The following MEI4 variants were observed in gnomAD, a reference collection of about 807,000 sequenced individuals.
MEI4 encodes the protein meiotic double-stranded break formation protein 4.
Under a neutral mutation model 31.4 loss-of-function variants are expected in MEI4, and 27 were observed. That is an observed-to-expected ratio of 0.86 (90% CI 0.63 to 1.19). The LOEUF (loss-of-function observed/expected upper bound fraction) is 1.19, where lower values mean the gene tolerates loss of function less well. MEI4 is among the 50% of genes most tolerant of loss of function. The pLI, the probability that MEI4 is intolerant of heterozygous loss-of-function variation, is 0.00. For missense variants in MEI4, 329 were observed against 398.9 expected (o/e 0.82, Z 1.49); for synonymous variants, 122 against 145.4 (o/e 0.84, Z 1.16).
At chr6:77,851,710 C>G (rs1052752299) in intron 4 of MEI4, among the ~76,000 whole-genome samples, 1 of 151,730 alleles carries the variant, frequency 6.6e-6, no homozygotes, top group African/African-American at 2.4e-5. Flanking sequence ...TGCGGCACAC[C>G]AACATGGTAC....
At chr6:77,755,793 A>C (rs1767900091) in intron 2 of MEI4, among the ~76,000 whole-genome samples, 1 of 151,220 alleles carries the variant, frequency 6.6e-6, no homozygotes, top group Non-Finnish European at 1.5e-5. Flanking sequence ...AATAAAAAAC[A>C]TGAAACAATA....
At chr6:77,779,541 T>G (rs1270036933) in intron 3 of MEI4, among the ~76,000 whole-genome samples, 1 of 152,198 alleles carries the variant, frequency 6.6e-6, no homozygotes, top group Non-Finnish European at 1.5e-5. Context: ...AAATTACATG[T>G]GTATAAAAGT....
intron 2 of MEI4, among the ~76,000 whole-genome samples, chr6:77,698,587 A>G (rs994399597): frequency 2.0e-5 from 3 of 152,188 alleles, no homozygotes; most frequent in South Asian, 2.1e-4. Context: ...AGAATGTTGA[A>G]TATTGGCCCC....
At chr6:77,790,157 A>C (rs548164050) in intron 3 of MEI4, among the ~76,000 whole-genome samples, 1 of 151,148 alleles carries the variant, frequency 6.6e-6, no homozygotes, top group Admixed American at 6.6e-5. Flanking sequence ...TCACAAGTAC[A>C]AAAGCAAACA....
In MEI4 at chr6:77,703,293, A is replaced by AAC. The variant is rs369364346; in HGVS notation, c.232+12392_232+12393dup. On this transcript the variant is annotated intron_variant, in intron 2 of 4. Coordinates refer to ENST00000684080, the MANE Select transcript of MEI4 (RefSeq NM_001322247.2). ...ACAGTGGAAGTAGAATACAGAGAGCAACATCCTGAATCCAGGATCGAGACC... is the reference window on the plus strand; with the variant it reads ...ACAGTGGAAGTAGAATACAGAGAGCAACACATCCTGAATCCAGGATCGAGACC... Among the ~76,000 whole-genome samples, 249 of 152,338 alleles carry AAC rather than the reference A, an allele frequency of 1.6e-3. 2 individuals carry two copies. Among genetic ancestry groups the AAC allele is most frequent in the African/African-American group, 5.6e-3 (233 of 41,582 alleles).
At chr6:77,910,004 A>G (rs2127738399) in intron 4 of MEI4, among the ~76,000 whole-genome samples, 1 of 152,288 alleles carries the variant, frequency 6.6e-6, no homozygotes, top group South Asian at 2.1e-4. Context: ...GACAAAATTC[A>G]ACAACCTTCA....
chr6:77,767,720 C>G (rs115010611), intron 3 of MEI4, among the ~76,000 whole-genome samples: 1 of 148,430 alleles, frequency 6.7e-6, no homozygotes, highest in African/African-American at 2.5e-5. Flanking sequence ...CACACACACA[C>G]GGAAAAATCT....
intron 4 of MEI4, among the ~76,000 whole-genome samples, chr6:77,875,659 G>T (rs1363612295): frequency 6.6e-6 from 1 of 152,128 alleles, no homozygotes; most frequent in Non-Finnish European, 1.5e-5. Flanking sequence ...TACTGTTACA[G>T]ATTGTTTTAT....
At chr6:77,774,360 A>G (rs1453195616) in intron 3 of MEI4, among the ~76,000 whole-genome samples, 4 of 152,136 alleles carry the variant, frequency 2.6e-5, no homozygotes, top group African/African-American at 9.7e-5. Context: ...TGTCATTTGC[A>G]ACGACATTGA....
At chr6:77,694,605 T>C (rs183728051) in intron 2 of MEI4, among the ~76,000 whole-genome samples, 31,074 of 151,784 alleles carry the variant, frequency 0.2, 3,464 homozygotes, top group African/African-American at 0.3. Context: ...TCATTTTTTA[T>C]GGCTGCATAG....
At chr6:77,710,854 G>A (rs1766447939) in intron 2 of MEI4, among the ~76,000 whole-genome samples, 1 of 152,156 alleles carries the variant, frequency 6.6e-6, no homozygotes, top group South Asian at 2.1e-4. Flanking sequence ...AGAACCACTG[G>A]TTTAGGGTGA....
At chr6:77,838,053 T>C (rs969252692) in intron 4 of MEI4, among the ~76,000 whole-genome samples, 16 of 152,196 alleles carry the variant, frequency 1.1e-4, no homozygotes, top group Non-Finnish European at 2.2e-4. Context: ...GCACCATTGC[T>C]GTTAGCTGAT....
At chr6:77,742,652 T>A (rs925297673) in intron 2 of MEI4, among the ~76,000 whole-genome samples, 3 of 152,248 alleles carry the variant, frequency 2.0e-5, no homozygotes, top group Admixed American at 2.0e-4. Context: ...ATTTTGGCTT[T>A]TGTTGCCATT....
At chr6:77,891,359 T>A (rs1381778698) in intron 4 of MEI4, among the ~76,000 whole-genome samples, 1 of 152,140 alleles carries the variant, frequency 6.6e-6, no homozygotes, top group East Asian at 1.9e-4. Flanking sequence ...GTCAGACAGG[T>A]TATTTTCAAG....
intron 3 of MEI4, among the ~76,000 whole-genome samples, chr6:77,786,047 C>T (rs993639188): frequency 2.6e-5 from 4 of 151,968 alleles, no homozygotes; most frequent in African/African-American, 9.7e-5. Context: ...TTCACATTCC[C>T]AAATGCCTTT....
chr6:77,795,726 A>G (rs1047715618), intron 3 of MEI4, among the ~76,000 whole-genome samples: 2 of 151,912 alleles, frequency 1.3e-5, no homozygotes, highest in Non-Finnish European at 2.9e-5. Flanking sequence ...AAGAAATAGA[A>G]AATCTTAACA....
intron 2 of MEI4, among the ~76,000 whole-genome samples, chr6:77,728,076 T>G (rs1766872218): frequency 6.6e-6 from 1 of 152,188 alleles, no homozygotes; most frequent in African/African-American, 2.4e-5. Context: ...AATTGGAAGG[T>G]GAATTAAAAT....
chr6:77,717,212 G>T (rs1175508556), intron 2 of MEI4, among the ~76,000 whole-genome samples: 1 of 106,950 alleles, frequency 9.4e-6, no homozygotes, highest in Non-Finnish European at 1.9e-5. Context: ...CGTGAACAAA[G>T]GTCTTGGCAT....
intron 1 of MEI4, among the ~76,000 whole-genome samples, chr6:77,661,838 A>C (rs2446250): frequency 6.6e-6 from 1 of 151,870 alleles, no homozygotes; most frequent in African/African-American, 2.4e-5. Flanking sequence ...GGGAGTGACC[A>C]AAGTGAAGGA....
Sources: gnomAD v4.1 joint callset for allele counts (sites outside exome capture counted in the v4.1 genomes callset) on GRCh38, gnomAD v4.1.1 for gene constraint, MANE v1.5 for transcripts, NCBI Gene and HGNC (gene_info 2026-07-23, HGNC 2026-07-21) for gene names.